The following EFCAB8 variants were observed in gnomAD, a reference collection of about 807,000 sequenced individuals.
The protein encoded by EFCAB8 is EF-hand calcium binding domain 8.
A neutral mutation model predicts 116.3 loss-of-function variants in EFCAB8; 100 were observed. The ratio of observed to expected loss-of-function variants is 0.86; its 90% CI spans 0.73 to 1.02. The LOEUF (loss-of-function observed/expected upper bound fraction) is 1.02. EFCAB8 is among the 50% of genes least tolerant of loss of function. The probability of loss-of-function intolerance (pLI) is 0.00; values close to 1 mark genes in which losing one functional copy is unlikely to be tolerated. For synonymous variants in EFCAB8, 558 were observed against 567.9 expected (o/e 0.98, Z 0.25); for missense variants, 1,320 against 1,416.9 (o/e 0.93, Z 1.10).
intron 20 of EFCAB8, among the ~76,000 whole-genome samples, chr20:32,929,058 A>G (rs897460196): frequency 6.6e-6 from 1 of 151,980 alleles, no homozygotes; most frequent in Admixed American, 6.6e-5. Context: ...TAATCCTTTT[A>G]ATATGCTACT....
At chr20:32,955,147 C>T (rs752458264) in intron 23 of EFCAB8, among the ~76,000 whole-genome samples, 11 of 152,270 alleles carry the variant, frequency 7.2e-5, no homozygotes, top group Middle Eastern at 3.4e-3. Context: ...AGGCAGGCCC[C>T]TCCCTCCCCC....
intron 23 of EFCAB8, among the ~76,000 whole-genome samples, chr20:32,957,443 G>A (rs1767691638): frequency 6.6e-6 from 1 of 152,068 alleles, no homozygotes; most frequent in African/African-American, 2.4e-5. Context: ...CCATCCAGTT[G>A]GGGATTGAAC....
At chr20:32,890,713 T>C (rs1316838518) in intron 7 of EFCAB8, among the ~76,000 whole-genome samples, 1 of 152,208 alleles carries the variant, frequency 6.6e-6, no homozygotes, top group Non-Finnish European at 1.5e-5. Context: ...AAGCAGGGAC[T>C]GGAATAAAAA....
intron 6 of EFCAB8, among the ~76,000 whole-genome samples, chr20:32,887,436 C>T (rs1171871921): frequency 2.0e-5 from 3 of 152,168 alleles, no homozygotes; most frequent in Non-Finnish European, 2.9e-5. Context: ...ATTAGCCAGG[C>T]GTAGTGGCGC....
Position 32,867,767 on chromosome 20 carries a change from T to C in EFCAB8, c.208+20T>C, listed in dbSNP as rs1984499430. 6.5e-7 allele frequency: 1 copy of C among 1,548,474 alleles called. No individual in the cohort carries two copies. The highest frequency in any genetic ancestry group is 2.4e-5 in the East Asian group (1 of 40,882). ...CTGGAGGTAAGGCCGCTCTGTAGGC[T>C]CGGTTTTTGTGTGAGTTCTGCAACA... On this transcript the variant is annotated intron_variant, in intron 3 of 26. Transcript: ENST00000400522.
intron 6 of EFCAB8, among the ~76,000 whole-genome samples, chr20:32,887,645 C>G (rs1415477919): frequency 6.6e-6 from 1 of 152,248 alleles, no homozygotes; most frequent in Non-Finnish European, 1.5e-5. Flanking sequence ...CTCTCCAACT[C>G]TAAGCCGAGT....
At chr20:32,949,002 A>G (rs2146297786) in intron 23 of EFCAB8, among the ~76,000 whole-genome samples, 1 of 152,316 alleles carries the variant, frequency 6.6e-6, no homozygotes, top group South Asian at 2.1e-4. Context: ...ACAGAAGGAA[A>G]AAAAAAGGCA....
chr20:32,863,665 A>G, intron 1 of EFCAB8, 118 bp from the exon 2 acceptor site: 1 of 926,228 alleles, frequency 1.1e-6, no homozygotes, highest in Non-Finnish European at 1.6e-6. Flanking sequence ...GGCAAGGGGA[A>G]GCCACCCTCT....
chr20:32,960,993 T>C, intron 26 of EFCAB8, 143 bp from the exon 27 acceptor site: 1 of 705,730 alleles, frequency 1.4e-6, no homozygotes, highest in Non-Finnish European at 2.4e-6. Context: ...CGGTGGTTAG[T>C]GGTAGCCACA....
At chr20:32,899,117 G>A (rs968107535) in intron 11 of EFCAB8, among the ~76,000 whole-genome samples, 7 of 152,114 alleles carry the variant, frequency 4.6e-5, no homozygotes, top group Admixed American at 4.6e-4. Flanking sequence ...CGGGCGCGGT[G>A]GCTCACGCCA....
intron 11 of EFCAB8, among the ~76,000 whole-genome samples, chr20:32,903,118 C>T (rs1216683602): frequency 6.6e-6 from 1 of 152,250 alleles, no homozygotes; most frequent in African/African-American, 2.4e-5. Flanking sequence ...TTCAACGGCT[C>T]CTGGCCAGGG....
At chr20:32,904,603 C>CTTTTTT (rs35810642) in intron 11 of EFCAB8, among the ~76,000 whole-genome samples, 1 of 96,334 alleles carries the variant, frequency 1.0e-5, no homozygotes, top group African/African-American at 3.9e-5. Flanking sequence ...CTGAATGGAG[C>CTTTTTT]TTTTTTTTTT....
At chr20:32,930,363 A>G (rs760711646) in intron 20 of EFCAB8, 35 bp from the exon 21 acceptor site, 2 of 1,525,184 alleles carry the variant, frequency 1.3e-6, no homozygotes, top group South Asian at 2.4e-5. Context: ...AGTGGCTCAC[A>G]GCCCTGCTGA....
chr20:32,898,369 A>G, intron 10 of EFCAB8, 124 bp from the exon 11 acceptor site: 1 of 601,726 alleles, frequency 1.7e-6, no homozygotes, highest in Non-Finnish European at 3.1e-6. Context: ...GATCACTAGG[A>G]GAAGGGCATT....
chr20:32,885,393 A>G lies in EFCAB8; in HGVS notation c.432-112A>G, dbSNP rs1204625240. The G allele has an allele frequency of 4.2e-6, 6 of 1,424,512 alleles. No individual in the cohort carries two copies. The South Asian group carries it at 8.3e-5, about 20-fold the overall frequency. The allele number at this position is 1,424,512 out of a possible 1,614,324, so 88.2% of individuals were successfully genotyped here. On this transcript the variant is annotated intron_variant, in intron 5 of 26. Transcript: ENST00000400522. Reference sequence around the variant, plus strand: ...GTGCGCATGTGCGTGCGTGTGCGTGACGCTCCGCCGGCTTTTGTCCCTCCT... The same window carrying G: ...GTGCGCATGTGCGTGCGTGTGCGTGGCGCTCCGCCGGCTTTTGTCCCTCCT...
At position 32,930,414 on chromosome 20, in the gene EFCAB8, C is replaced by T; in HGVS notation, c.2429C>T (p.Thr810Ile). 2 of 1,551,070 alleles carry T rather than the reference C, an allele frequency of 1.3e-6. No homozygotes were observed. Among genetic ancestry groups the T allele is most frequent in the South Asian group, 2.4e-5 (2 of 84,046 alleles). The change falls in exon 21 of 27, where the codon ACC becomes ATC. Residue 810 changes from threonine (T) to isoleucine (I), a missense_variant. By Grantham distance (89) the Thr-to-Ile change is moderately conservative (BLOSUM62 -1). Coordinates refer to ENST00000400522, the MANE Select transcript of EFCAB8 (RefSeq NM_001143967.2). The stretch of plus-strand genomic sequence containing the variant: ...CTTCCTCAGATAATCTTCCTGCAGA[C>T]CAGGCCTCGCCTGCCGCACACGGCT... ...ASVEKIIFLQ[T>I]RPRLPHTAAL... is the part of the protein sequence containing the mutation.
chr20:32,880,743 C>T (rs1985288949), intron 5 of EFCAB8, among the ~76,000 whole-genome samples: 1 of 138,720 alleles, frequency 7.2e-6, no homozygotes, highest in South Asian at 2.3e-4. Flanking sequence ...GAGGGATGCA[C>T]AAGCTTCAGG....
Position 32,909,923 on chromosome 20 carries a change from T to C in EFCAB8, c.1549T>C (p.Phe517Leu), listed in dbSNP as rs146839281. The change falls in exon 15 of 27, where the codon TTT (phenylalanine) becomes CTT (leucine). Residue 517 changes from phenylalanine (F) to leucine (L), a missense_variant. By Grantham distance (22) the Phe-to-Leu change is conservative. Transcript: ENST00000400522. ...PLCAVLYSKIFKQVVSGCLRG... is the reference protein window; with the variant it reads ...PLCAVLYSKILKQVVSGCLRG... ...GTGTGCTGTCCTCTACAGCAAGATC[T>C]TTAAGCAGGTGAGTGGCCCAGGGCT... 645 of 1,249,428 alleles carry C rather than the reference T, an allele frequency of 5.2e-4. 3 individuals are homozygous for C. In the African/African-American group the frequency reaches 9.0e-3, roughly 17 times the overall value. 77.4% of individuals were successfully genotyped at this position (1,249,428 alleles called of 1,614,324 possible). A position where few individuals can be genotyped will look rare whatever the true frequency, so the allele number is the denominator to read the frequency against.
At chr20:32,904,326 G>A (rs911653567) in intron 11 of EFCAB8, among the ~76,000 whole-genome samples, 1 of 151,184 alleles carries the variant, frequency 6.6e-6, no homozygotes, top group East Asian at 2.0e-4. Context: ...TCGTGGACAG[G>A]TTCTTGCTCT....
Sources: allele counts gnomAD v4.1 joint callset (sites outside exome capture counted in the v4.1 genomes callset), GRCh38; gene constraint gnomAD v4.1.1; transcripts MANE v1.5; gene names NCBI Gene and HGNC (gene_info 2026-07-23, HGNC 2026-07-21).